SLC38A10: variants seen among roughly 807,000 people sequenced by gnomAD.
The protein encoded by SLC38A10 is Sodium-coupled neutral amino acid transporter 10.
SLC38A10 carries 53 observed loss-of-function variants against 81.0 expected under a neutral mutation model. The observed-to-expected ratio is 0.65, with a 90% CI of 0.53 to 0.82. SLC38A10 has a LOEUF of 0.82. Among genes scored for constraint, SLC38A10 ranks in the 40% least tolerant of loss-of-function variants. SLC38A10 has a pLI of 0.00. For missense variants in SLC38A10, 1,471 were observed against 1,545.0 expected, an observed-to-expected ratio of 0.95 and a Z score of 0.80; for synonymous variants, 665 against 655.3, an observed-to-expected ratio of 1.01 and a Z score of -0.23.
chr17:81,287,079 C>G (rs1380653122), intron 2 of SLC38A10, among the ~76,000 whole-genome samples: 1 of 152,144 alleles, frequency 6.6e-6, no homozygotes, highest in Non-Finnish European at 1.5e-5. Flanking sequence ...GAGAAGGTGA[C>G]GAAAACGACA....
At position 81,268,610 on chromosome 17, in the gene SLC38A10, G is replaced by A. The variant is rs1045016506; in HGVS notation, c.1131+2308C>T. ...TGAAACAACAATAACAATGTCTTGT[G>A]GAGTTTTAAATAAGGGTTGATATCA... On this transcript the variant is annotated intron_variant, in intron 10 of 15. Transcript: ENST00000374759. Among the ~76,000 whole-genome samples the A allele has an allele frequency of 2.6e-5, 4 of 151,674 alleles. No individual in the cohort carries two copies. The East Asian group carries it at 5.8e-4, about 22-fold the overall frequency.
chr17:81,284,306 C>T (rs7224820), intron 3 of SLC38A10, among the ~76,000 whole-genome samples: 30,885 of 152,022 alleles, frequency 0.2, 3,376 homozygotes, highest in African/African-American at 0.22. Context: ...GAGCCGAGAT[C>T]ACAGCATTGC....
Position 81,294,994 on chromosome 17 carries a change from C to G in SLC38A10, c.-73G>C. 1 of 1,484,354 alleles carries G rather than the reference C, an allele frequency of 6.7e-7. No homozygotes were observed. The highest frequency in any genetic ancestry group is 9.0e-7 in the Non-Finnish European group (1 of 1,114,994). The allele number at this position is 1,484,354 out of a possible 1,614,324, so 91.9% of individuals were successfully genotyped here. The stretch of plus-strand genomic sequence containing the variant: ...GCTGCGGCCGGCTTTGGAAGCCCAG[C>G]CCGAGGCCACGGTCACAGGTCCCAA... On this transcript the variant is annotated 5_prime_UTR_variant, in exon 1 of 16. Coordinates refer to ENST00000374759, the MANE Select transcript of SLC38A10 (RefSeq NM_001037984.3).
At chr17:81,268,172 A>G (rs2063085208) in intron 10 of SLC38A10, among the ~76,000 whole-genome samples, 1 of 151,906 alleles carries the variant, frequency 6.6e-6, no homozygotes, top group South Asian at 2.1e-4. Context: ...AGACCCCAGA[A>G]GGGCTGTACC....
intron 10 of SLC38A10, among the ~76,000 whole-genome samples, chr17:81,262,146 G>C (rs900347369): frequency 2.0e-5 from 3 of 152,116 alleles, no homozygotes; most frequent in African/African-American, 7.2e-5. Context: ...GGCCCGCCCA[G>C]TCAGTGGGTG....
Position 81,272,979 on chromosome 17 carries a change from C to T in SLC38A10, c.913-352G>A, listed in dbSNP as rs530490409. On this transcript the variant is annotated intron_variant, in intron 8 of 15. Transcript: ENST00000374759. ...GTGCCAGGAAGTATGGAGAGCAAAA[C>T]ACAGGCTGCACAGCGCCGCTCCTGA... 7.9e-5 allele frequency among the ~76,000 whole-genome samples: 12 copies of T among 152,312 alleles called. No individual in the cohort carries two copies. In the South Asian group the frequency reaches 2.5e-3, roughly 32 times the overall value.
At chr17:81,247,950 CTTTTTT>C (rs34228716) in intron 14 of SLC38A10, among the ~76,000 whole-genome samples, 5 of 73,102 alleles carry the variant, frequency 6.8e-5, no homozygotes, top group East Asian at 4.5e-4. Flanking sequence ...CAAAAGCTGT[CTTTTTT>C]TTTTTTTTTT....
Position 81,246,153 on chromosome 17 carries a change from C to T in SLC38A10, c.2763G>A (p.Thr921=), listed in dbSNP as rs763699653. ...NWLVAGPGAE[T]GDPRMKPKQV... ...GCTTGGGCTTCATGCGAGGGTCCCC[C>T]GTCTCTGCTCCTGGCCCTGCCACGA... Residue 921 remains threonine, a synonymous_variant, in exon 16 of 16, where the codon ACG becomes ACA. Transcript: ENST00000374759. The T allele has an allele frequency of 1.6e-5, 26 of 1,611,234 alleles. No homozygotes were observed. The highest frequency in any genetic ancestry group is 8.0e-5 in the African/African-American group (6 of 74,946).
chr17:81,251,073 G>A (rs2062906090), intron 14 of SLC38A10: 1 of 1,468,202 alleles, frequency 6.8e-7, no homozygotes, highest in South Asian at 1.5e-5. Flanking sequence ...TTGGGGCACA[G>A]CCTTAAAATA....
chr17:81,261,958 C>G (rs1450539261), intron 10 of SLC38A10, among the ~76,000 whole-genome samples: 2 of 152,266 alleles, frequency 1.3e-5, no homozygotes, highest in Non-Finnish European at 2.9e-5. Context: ...CCCGAATGTT[C>G]TCCTCCATTT....
intron 10 of SLC38A10, among the ~76,000 whole-genome samples, chr17:81,268,773 T>A (rs2063091054): frequency 7.9e-6 from 1 of 126,864 alleles, no homozygotes; most frequent in Non-Finnish European, 1.7e-5. Context: ...TAATAGGACA[T>A]AAGTTGAAAG....
In SLC38A10 at chr17:81,253,954, ACCACCACCATCTCCATCC is replaced by A. The variant is rs1291709365; in HGVS notation, c.1289-732_1289-715del. On this transcript the variant is annotated intron_variant, in intron 11 of 15. Coordinates refer to ENST00000374759, the MANE Select transcript of SLC38A10 (RefSeq NM_001037984.3). This position sits in a 1 kb window ranked among gnomAD's most constrained non-coding sequence, Gnocchi z 4.1. ...TGCCATCACCTCCATTATCGTCATC[ACCACCACCATCTCCATCC>A]CCACCACCATCGCTGCATCATTGCC... Among the ~76,000 whole-genome samples the A allele has an allele frequency of 6.6e-6, 1 of 151,458 alleles. No homozygotes were observed.
In SLC38A10 at chr17:81,246,084, C is replaced by T. The variant is rs752291684; in HGVS notation, c.2832G>A (p.Gly944=). The T allele has an allele frequency of 5.0e-6, 8 of 1,608,640 alleles. No homozygotes were observed. The highest frequency in any genetic ancestry group is 6.8e-6 in the Non-Finnish European group (8 of 1,179,608). Residue 944 remains glycine, a synonymous_variant, in exon 16 of 16, where the codon GGG becomes GGA. Coordinates refer to ENST00000374759, the MANE Select transcript of SLC38A10 (RefSeq NM_001037984.3). ...DLGLAADLPG[G]AEGAAAQPQA... The stretch of plus-strand genomic sequence containing the variant: ...GGGGCTGTGCAGCTGCTCCTTCCGC[C>T]CCACCGGGCAGGTCCGCTGCAAGGC...
At chr17:81,282,088 A>T in intron 5 of SLC38A10, 101 bp downstream of exon 5, 1 of 1,498,736 alleles carries the variant, frequency 6.7e-7, no homozygotes, top group Non-Finnish European at 9.2e-7. Context: ...AGGAGGCAGC[A>T]GGCGGCCACA....
chr17:81,260,466 C>T (rs2063012248), intron 10 of SLC38A10, 72 bp from the exon 11 acceptor site: 1 of 1,508,560 alleles, frequency 6.6e-7, no homozygotes. Flanking sequence ...TAAAACTGGC[C>T]TGGCAGAGAG....
rs2063165358 is a variant in SLC38A10 at position 81,276,663 on chromosome 17, T to C, written c.729+368A>G. On this transcript the variant is annotated intron_variant, in intron 7 of 15. Transcript: ENST00000374759. This position sits in a 1 kb window ranked among gnomAD's most constrained non-coding sequence, Gnocchi z 4.7. The stretch of plus-strand genomic sequence containing the variant: ...CCTCGGTCTCCCAAAGTGCTGGGAT[T>C]ACAGGTGTGAGCAACGGCGCCCGGC... Among the ~76,000 whole-genome samples, 1 of 152,210 alleles carries C rather than the reference T, an allele frequency of 6.6e-6. No individual in the cohort carries two copies. Among genetic ancestry groups the C allele is most frequent in the African/African-American group, 2.4e-5 (1 of 41,452 alleles).
intron 10 of SLC38A10, among the ~76,000 whole-genome samples, chr17:81,260,765 G>C (rs1439935145): frequency 1.3e-5 from 2 of 152,234 alleles, no homozygotes; most frequent in Admixed American, 6.5e-5. Flanking sequence ...CGGAGCGGGA[G>C]GGACAGCGGC....
At position 81,246,424 on chromosome 17, in the gene SLC38A10, G is replaced by C. The variant is rs2725405; in HGVS notation, c.2492C>G (p.Ala831Gly). Residue 831 changes from alanine to glycine, a missense_variant, in exon 16 of 16, where the codon GCC (alanine) becomes GGC (glycine). Physicochemically the swap from Ala to Gly is moderately conservative, Grantham distance 60 (BLOSUM62 0). Transcript: ENST00000374759. The stretch of plus-strand genomic sequence containing the variant: ...ATCCTTCTGGCCATCTCTCAGCTTG[G>C]CCTGGGCTGCCCGAGGCTCTGTGTC... ...GPDTEPRAAQ[A>G]KLRDGQKDAA... The C allele has an allele frequency of 0.45, 718,824 of 1,597,818 alleles. 170,667 individuals carry two copies. Among genetic ancestry groups the C allele is most frequent in the East Asian group, 0.72 (32,039 of 44,652 alleles).
At position 81,252,279 on chromosome 17, in the gene SLC38A10, C is replaced by G; in HGVS notation, c.1861G>C (p.Gly621Arg). Residue 621 changes from glycine to arginine, a missense_variant, in exon 13 of 16, where the codon GGT becomes CGT. This residue lies in a region of SLC38A10 where 751 missense variants were observed against 717.4 expected (regional missense o/e 1.05). Transcript: ENST00000374759. ...LSEQQNGLAV[G>R]GGEKAKGGPP... ...CCCCCCTTGGCCTTTTCCCCTCCAC[C>G]CACCGCCAGGCCGTTCTGCTGCTCA... 1 of 1,607,850 alleles carries G rather than the reference C, an allele frequency of 6.2e-7. No homozygotes were observed. Among genetic ancestry groups the G allele is most frequent in the Non-Finnish European group, 8.5e-7 (1 of 1,176,728 alleles).
Sources: allele counts gnomAD v4.1 joint callset (sites outside exome capture counted in the v4.1 genomes callset), GRCh38; gene constraint gnomAD v4.1.1; regional missense constraint gnomAD v4.1.1; non-coding constraint Gnocchi (gnomAD v3.1); transcripts MANE v1.5; gene names NCBI Gene and HGNC (gene_info 2026-07-23, HGNC 2026-07-21).